The following CCDC7 variants were observed in gnomAD, a reference collection of about 807,000 sequenced individuals.
CCDC7 encodes the protein coiled-coil domain containing 7, also known as coiled-coil domain-containing protein 7.
Under a neutral mutation model 196.9 loss-of-function variants are expected in CCDC7, and 183 were observed. The observed-to-expected ratio is 0.93, with a 90% CI of 0.82 to 1.05. The LOEUF (loss-of-function observed/expected upper bound fraction) is 1.05, where lower values mean the gene tolerates loss of function less well. Ranked by LOEUF, CCDC7 falls within the 50% of genes least tolerant of loss-of-function variation. The probability of loss-of-function intolerance (pLI) is 0.00; values close to 1 mark genes in which losing one functional copy is unlikely to be tolerated. For missense variants in CCDC7, 1,540 were observed against 1,482.2 expected (o/e 1.04, Z -0.64); for synonymous variants, 525 against 484.6 (o/e 1.08, Z -1.10).
intron 25 of CCDC7, chr10:32,725,295 A>G: frequency 2.1e-6 from 1 of 469,930 alleles, no homozygotes; most frequent in South Asian, 1.6e-5. Context: ...AAAATTGCTT[A>G]GCATATACTA....
chr10:32,710,861 G>A (rs1591908455), intron 24 of CCDC7, among the ~76,000 whole-genome samples: 1 of 152,134 alleles, frequency 6.6e-6, no homozygotes, highest in East Asian at 1.9e-4. Context: ...CGAGATTGAA[G>A]GTAACAATTA....
chr10:32,603,143 A>G (rs1289393340), intron 18 of CCDC7, among the ~76,000 whole-genome samples: 1 of 149,448 alleles, frequency 6.7e-6, no homozygotes, highest in Non-Finnish European at 1.5e-5. Context: ...ATTGTACTCT[A>G]TATCCCCATG....
At chr10:32,642,643 C>T (rs1224454531) in intron 20 of CCDC7, among the ~76,000 whole-genome samples, 3 of 152,274 alleles carry the variant, frequency 2.0e-5, no homozygotes, top group South Asian at 2.1e-4. Context: ...AGCTTAGGCT[C>T]GGTGCCCCGC....
chr10:32,536,523 A>C (rs2050525929), intron 11 of CCDC7, among the ~76,000 whole-genome samples: 1 of 152,084 alleles, frequency 6.6e-6, no homozygotes, highest in African/African-American at 2.4e-5. Flanking sequence ...GTTAACTTTT[A>C]TTTTAGGTTT....
At chr10:32,555,946 T>C (rs1345069208) in intron 13 of CCDC7, among the ~76,000 whole-genome samples, 1 of 152,100 alleles carries the variant, frequency 6.6e-6, no homozygotes, top group Non-Finnish European at 1.5e-5. Flanking sequence ...GGATGATAGC[T>C]CTGGGTAGTT....
chr10:32,722,497 A>G (rs1231672371), intron 25 of CCDC7, among the ~76,000 whole-genome samples: 2 of 152,068 alleles, frequency 1.3e-5, no homozygotes, highest in African/African-American at 4.8e-5. Context: ...TGGAAAATCA[A>G]TTCCATGCCT....
rs144371948 is a variant in CCDC7, at chr10:32,767,367, A to T, written c.2906-11610A>T. Among the ~76,000 whole-genome samples, 131 of 152,268 alleles carry T rather than the reference A, an allele frequency of 8.6e-4. 1 individual carries two copies. The highest frequency in any genetic ancestry group is 2.9e-3 in the African/African-American group (119 of 41,554). On this transcript the variant is annotated intron_variant, in intron 28 of 41. Coordinates refer to ENST00000639629, the Ensembl canonical transcript of CCDC7. ...AAATGTGATTCTTTGTCCAAATGAG[A>T]TATATTTCAGGGAGCCAAGTGGTAT...
intron 3 of CCDC7, among the ~76,000 whole-genome samples, chr10:32,458,943 G>T (rs950607332): frequency 6.6e-6 from 1 of 151,788 alleles, no homozygotes; most frequent in African/African-American, 2.4e-5. Context: ...TTGTTTTTTT[G>T]TGTGTGTCTT....
At chr10:32,801,627 A>G (rs1180316241) in intron 29 of CCDC7, among the ~76,000 whole-genome samples, 2 of 152,156 alleles carry the variant, frequency 1.3e-5, no homozygotes, top group African/African-American at 4.8e-5. Context: ...TACACTTTGA[A>G]CCTCAACTCC....
chr10:32,454,523 A>G (rs2033865394), intron 2 of CCDC7, among the ~76,000 whole-genome samples: 1 of 152,062 alleles, frequency 6.6e-6, no homozygotes, highest in Admixed American at 6.6e-5. Context: ...AGCATCACGC[A>G]GTATATCCAG....
intron 9 of CCDC7, among the ~76,000 whole-genome samples, chr10:32,498,858 T>C (rs2043352082): frequency 6.6e-6 from 1 of 151,750 alleles, no homozygotes. Context: ...CTGACAATTA[T>C]GTGTCTTGGG....
intron 9 of CCDC7, among the ~76,000 whole-genome samples, chr10:32,515,776 G>A (rs1465035913): frequency 6.6e-6 from 1 of 151,612 alleles, no homozygotes. Context: ...TCCTGACCTC[G>A]TGATCCGCCC....
intron 11 of CCDC7, among the ~76,000 whole-genome samples, chr10:32,523,592 A>G (rs1048784157): frequency 1.3e-5 from 2 of 151,064 alleles, no homozygotes; most frequent in Admixed American, 6.6e-5. Flanking sequence ...TCCAGCTATT[A>G]TTGTATTGAT....
intron 5 of CCDC7, among the ~76,000 whole-genome samples, chr10:32,466,322 C>T (rs1043099890): frequency 3.2e-4 from 45 of 140,938 alleles, no homozygotes; most frequent in African/African-American, 1.1e-3. Flanking sequence ...TTGTTATTTA[C>T]GTAAACTCAT....
chr10:32,676,755 C>A (rs1457958137), intron 21 of CCDC7, among the ~76,000 whole-genome samples: 1 of 152,186 alleles, frequency 6.6e-6, no homozygotes, highest in East Asian at 1.9e-4. Flanking sequence ...AATAGGAACA[C>A]TTTTACACTG....
intron 24 of CCDC7, among the ~76,000 whole-genome samples, chr10:32,706,495 C>A (rs2079779174): frequency 6.6e-6 from 1 of 152,008 alleles, no homozygotes; most frequent in African/African-American, 2.4e-5. Flanking sequence ...GAGATAGAGA[C>A]ACAAAAAACC....
intron 39 of CCDC7, among the ~76,000 whole-genome samples, chr10:32,849,254 C>T (rs2093438566): frequency 6.6e-6 from 1 of 152,024 alleles, no homozygotes; most frequent in Non-Finnish European, 1.5e-5. Flanking sequence ...ACAGTAACCA[C>T]TTAGGTAACT....
chr10:32,723,861 G>T (rs16933643), intron 25 of CCDC7, among the ~76,000 whole-genome samples: 1 of 151,788 alleles, frequency 6.6e-6, no homozygotes, highest in South Asian at 2.1e-4. Context: ...TTGCTGCATC[G>T]CAGGCTATCT....
intron 18 of CCDC7, among the ~76,000 whole-genome samples, chr10:32,613,785 G>T (rs906912039): frequency 1.3e-5 from 2 of 151,764 alleles, no homozygotes; most frequent in Non-Finnish European, 2.9e-5. Context: ...CTGTTCTTTT[G>T]CATTTGCTGA....
Sources: gnomAD v4.1 joint callset for allele counts (sites outside exome capture counted in the v4.1 genomes callset) on GRCh38, gnomAD v4.1.1 for gene constraint, MANE v1.5 for transcripts, NCBI Gene and HGNC (gene_info 2026-07-23, HGNC 2026-07-21) for gene names.